The following MMEL1 variants were observed in gnomAD, a reference collection of about 807,000 sequenced individuals.
MMEL1 encodes the protein membrane metallo-endopeptidase-like 1.
A neutral mutation model predicts 117.1 loss-of-function variants in MMEL1; 98 were observed. The ratio of observed to expected loss-of-function variants is 0.84; its 90% CI spans 0.71 to 0.99. The LOEUF is 0.99. Ranked by LOEUF, MMEL1 falls within the 50% of genes least tolerant of loss-of-function variation. The probability of loss-of-function intolerance (pLI) is 0.00; values close to 1 mark genes in which losing one functional copy is unlikely to be tolerated. For synonymous variants in MMEL1, 390 were observed against 415.1 expected (o/e 0.94, Z 0.74); for missense variants, 1,014 against 1,049.1 (o/e 0.97, Z 0.46).
At chr1:2,592,123 TA>T in intron 21 of MMEL1, 96 bp from the exon 22 acceptor site, 1 of 1,016,262 alleles carries the variant, frequency 9.8e-7, no homozygotes, top group Non-Finnish European at 1.5e-6. Context: ...CTCCAGGACC[TA>T]CCCCTGTGGG....
intron 17 of MMEL1, 114 bp downstream of exon 17, chr1:2,594,676 C>T (rs866871473): frequency 3.0e-6 from 3 of 985,858 alleles, no homozygotes; most frequent in East Asian, 4.8e-5. Context: ...CACCCCTCAG[C>T]TGGCACTGGA....
chr1:2,622,949 G>A (rs1645312808), intron 2 of MMEL1, among the ~76,000 whole-genome samples: 1 of 149,734 alleles, frequency 6.7e-6, no homozygotes, highest in African/African-American at 2.5e-5. Context: ...ACTTTGGGAG[G>A]CCAAGGTCAA....
At chr1:2,596,251 G>A in intron 14 of MMEL1, 144 bp from the exon 15 acceptor site, 1 of 780,142 alleles carries the variant, frequency 1.3e-6, no homozygotes, top group Non-Finnish European at 2.1e-6. Context: ...GTGAGGTGTG[G>A]GGCCGGTGGG....
chr1:2,606,640 T>C (rs1381577252), intron 7 of MMEL1, among the ~76,000 whole-genome samples: 1 of 151,944 alleles, frequency 6.6e-6, no homozygotes, highest in Non-Finnish European at 1.5e-5. Flanking sequence ...CCCGGGGGAA[T>C]GGAGCACATG....
intron 7 of MMEL1, 64 bp from the exon 8 acceptor site, chr1:2,606,430 C>A (rs547330435): frequency 1.5e-6 from 2 of 1,301,152 alleles, no homozygotes; most frequent in African/African-American, 2.9e-5. Context: ...GGCCCCTTGT[C>A]GGTGAATCTG....
rs140956684 is a variant in MMEL1, at chr1:2,597,123, G to C, written c.1273-434C>G. 5.3e-3 allele frequency among the ~76,000 whole-genome samples: 812 copies of C among 152,120 alleles called. 8 individuals carry two copies. The highest frequency in any genetic ancestry group is 8.0e-3 in the Non-Finnish European group (545 of 67,958). Reference sequence around the variant, plus strand: ...TGTTGAAGCAGCTGTGAGAACACCTGCTCATCTGTCCCCAGGGACACAGGA... The same window carrying C: ...TGTTGAAGCAGCTGTGAGAACACCTCCTCATCTGTCCCCAGGGACACAGGA... On this transcript the variant is annotated intron_variant, in intron 13 of 23. Transcript: ENST00000378412.
chr1:2,595,408 G>A lies in MMEL1; in HGVS notation c.1501-49C>T. On this transcript the variant is annotated intron_variant, in intron 15 of 23. Coordinates refer to ENST00000378412, the MANE Select transcript of MMEL1 (RefSeq NM_033467.4). The surrounding 1 kb of genome is among the most constrained non-coding windows in gnomAD (Gnocchi z 4.8). The stretch of plus-strand genomic sequence containing the variant: ...CAGTGGGTGCCCCACTGCGGATGGA[G>A]TCAGCCCGGGGGCCGGTCAGTGAGT... 1 of 1,552,144 alleles carries A rather than the reference G, an allele frequency of 6.4e-7. No homozygotes were observed. Among genetic ancestry groups the A allele is most frequent in the Non-Finnish European group, 8.9e-7 (1 of 1,124,844 alleles).
At chr1:2,622,862 T>C (rs1357091860) in intron 2 of MMEL1, among the ~76,000 whole-genome samples, 1 of 127,336 alleles carries the variant, frequency 7.9e-6, no homozygotes, top group African/African-American at 3.2e-5. Context: ...CCAGCCTGGG[T>C]GAAAGAGTGA....
chr1:2,605,647 C>T (rs772152434), intron 8 of MMEL1, 24 bp from the exon 9 acceptor site: 4 of 1,604,710 alleles, frequency 2.5e-6, no homozygotes, highest in East Asian at 2.2e-5. Flanking sequence ...AGGTGTGACC[C>T]TGGGCAAGGG....
intron 2 of MMEL1, among the ~76,000 whole-genome samples, chr1:2,614,465 G>A (rs962143944): frequency 1.3e-5 from 2 of 152,216 alleles, no homozygotes; most frequent in African/African-American, 4.8e-5. Context: ...GCTTATTGCT[G>A]CTGCAGTGAG....
At chr1:2,611,622 CAGGCCTG>C (rs1645130446) in intron 3 of MMEL1, among the ~76,000 whole-genome samples, 1 of 152,186 alleles carries the variant, frequency 6.6e-6, no homozygotes, top group South Asian at 2.1e-4. Context: ...CCAGGTGGCC[CAGGCCTG>C]AGGCCTTCAG....
At chr1:2,625,456 C>T (rs1638233155) in intron 2 of MMEL1, among the ~76,000 whole-genome samples, 1 of 152,182 alleles carries the variant, frequency 6.6e-6, no homozygotes, top group African/African-American at 2.4e-5. Context: ...GCTGTATGAC[C>T]CAGCAGATCC....
chr1:2,596,438 C>A, intron 14 of MMEL1, 123 bp downstream of exon 14: 1 of 1,389,924 alleles, frequency 7.2e-7, no homozygotes, highest in East Asian at 2.4e-5. Context: ...CTTAGCCTCC[C>A]TCTGTCTGGT....
intron 2 of MMEL1, among the ~76,000 whole-genome samples, chr1:2,626,093 G>A (rs531177056): frequency 1.3e-5 from 2 of 152,328 alleles, no homozygotes; most frequent in Non-Finnish European, 2.9e-5. Flanking sequence ...TTCAAGCAGC[G>A]TACCTTGTTG....
At chr1:2,606,166 G>A in intron 8 of MMEL1, 82 bp downstream of exon 8, 2 of 1,126,610 alleles carry the variant, frequency 1.8e-6, no homozygotes, top group Admixed American at 1.7e-5. Flanking sequence ...TGTCGGCCTG[G>A]CCCATCCTTC....
In MMEL1 at chr1:2,604,112, C is replaced by T. The variant is rs775056206; in HGVS notation, c.951+35G>A. The T allele has an allele frequency of 1.7e-5, 27 of 1,549,560 alleles. 1 individual carries two copies. The Admixed American group carries it at 3.3e-4, about 19-fold the overall frequency. ...CACCGCCTGGGGCTCCCAGCCCACT[C>T]GCTGCCCGCTCCCCACCCGCCCCGG... On this transcript the variant is annotated intron_variant, in intron 10 of 23. Coordinates refer to ENST00000378412, the MANE Select transcript of MMEL1 (RefSeq NM_033467.4).
chr1:2,601,970 T>G (rs534966823), intron 11 of MMEL1, among the ~76,000 whole-genome samples: 10 of 152,336 alleles, frequency 6.6e-5, no homozygotes, highest in African/African-American at 2.4e-4. Context: ...AGACAGTGCC[T>G]GTTACTGTTG....
Position 2,591,016 on chromosome 1 carries a change from G to A in MMEL1, c.2314C>T (p.Pro772Ser), listed in dbSNP as rs767853693. The change falls in exon 24 of 24, where the codon CCC becomes TCC. Residue 772 changes from proline (P) to serine (S), a missense_variant. Pro to Ser is a moderately conservative substitution (Grantham distance 74, BLOSUM62 -1). Transcript: ENST00000378412. ...TACCACACGCGGCATCGCTCCTTGG[G>A]GTGCATGGGGGTGCCCCGGGCACAG... ...FHCARGTPMH[P>S]KERCRVW The A allele has an allele frequency of 6.2e-7, 1 of 1,602,842 alleles. No homozygotes were observed. The highest frequency in any genetic ancestry group is 8.5e-7 in the Non-Finnish European group (1 of 1,175,844).
chr1:2,596,424 T>C (rs1644840687), intron 14 of MMEL1, 137 bp downstream of exon 14: 2 of 1,280,618 alleles, frequency 1.6e-6, no homozygotes, highest in East Asian at 4.9e-5. Flanking sequence ...TGGGCACGGC[T>C]TCCCTTAGCC....
Sources: allele counts gnomAD v4.1 joint callset (sites outside exome capture counted in the v4.1 genomes callset), GRCh38; gene constraint gnomAD v4.1.1; non-coding constraint Gnocchi (gnomAD v3.1); transcripts MANE v1.5; gene names NCBI Gene and HGNC (gene_info 2026-07-23, HGNC 2026-07-21).